Variants in SLC2A9 observed in about 807,000 individuals in gnomAD.
The protein encoded by SLC2A9 is solute carrier family 2, facilitated glucose transporter member 9.
In SLC2A9, 39 loss-of-function variants were observed where a neutral mutation model predicts 50.6. The ratio of observed to expected loss-of-function variants is 0.77; its 90% confidence interval spans 0.60 to 1.01. SLC2A9 has a LOEUF of 1.01. Among genes scored for constraint, SLC2A9 ranks in the 50% least tolerant of loss-of-function variants. SLC2A9 has a pLI of 0.00. For synonymous variants in SLC2A9, 324 were observed against 276.9 expected, an observed-to-expected ratio of 1.17 and a Z score of -1.69; for missense variants, 686 against 677.6, an observed-to-expected ratio of 1.01 and a Z score of -0.14.
At chr4:9,833,349 T>G (rs1295498724) in intron 11 of SLC2A9, among the ~76,000 whole-genome samples, 1 of 152,130 alleles carries the variant, frequency 6.6e-6, no homozygotes, top group Non-Finnish European at 1.5e-5. Flanking sequence ...CTTCTAACTC[T>G]GAGACGAGGA....
intron 1 of SLC2A9, among the ~76,000 whole-genome samples, chr4:9,774,305 G>A (rs1717233062): frequency 6.6e-6 from 1 of 152,190 alleles, no homozygotes; most frequent in African/African-American, 2.4e-5. Context: ...AAAATGATGA[G>A]AAACTCAGTG....
intron 4 of SLC2A9, among the ~76,000 whole-genome samples, chr4:9,981,755 A>G (rs537141319): frequency 1.3e-5 from 2 of 152,238 alleles, no homozygotes; most frequent in African/African-American, 4.8e-5. Context: ...GATGAAGAAC[A>G]CTCCAGGAAG....
At chr4:10,006,734 G>A (rs1760844016) in intron 2 of SLC2A9, 1 of 152,094 alleles carries the variant, frequency 6.6e-6, no homozygotes, top group Admixed American at 6.5e-5. Context: ...ATGTTGGAAG[G>A]GTTGCCACCG....
chr4:10,020,009 CCTT>C (rs1763307640), intron 1 of SLC2A9, among the ~76,000 whole-genome samples: 1 of 151,696 alleles, frequency 6.6e-6, no homozygotes, highest in African/African-American at 2.4e-5. Context: ...CCGGAAGGCA[CCTT>C]CTTTGCCATC....
In SLC2A9 at chr4:9,916,790, T is replaced by C. The variant is rs553676588; in HGVS notation, c.1002+3595A>G. Among the ~76,000 whole-genome samples the C allele has an allele frequency of 2.0e-5, 3 of 152,202 alleles. No individual in the cohort carries two copies. The East Asian group carries it at 5.8e-4, about 29-fold the overall frequency. ...GAAGATAAGGGAAGGTTCAAGAAAA[T>C]GAAGGCTTCCCCACACTGGGCTTGA... On this transcript the variant is annotated intron_variant, in intron 7 of 11. Coordinates refer to ENST00000264784, the MANE Select transcript of SLC2A9 (RefSeq NM_020041.3).
At chr4:9,862,634 C>T (rs1008432123) in intron 10 of SLC2A9, among the ~76,000 whole-genome samples, 1 of 151,978 alleles carries the variant, frequency 6.6e-6, no homozygotes, top group African/African-American at 2.4e-5. Context: ...GACCTTTGCA[C>T]ATTCTTCCCC....
intron 5 of SLC2A9, among the ~76,000 whole-genome samples, chr4:9,959,092 G>A (rs1751804934): frequency 6.6e-6 from 1 of 151,922 alleles, no homozygotes. Flanking sequence ...GGAAGGGAGG[G>A]ATGGTGCTGG....
intron 3 of SLC2A9, among the ~76,000 whole-genome samples, chr4:9,793,605 G>A (rs1407407819): frequency 1.3e-5 from 2 of 152,334 alleles, no homozygotes; most frequent in East Asian, 3.8e-4. Flanking sequence ...ATTGAAAGAA[G>A]TGAAAGGAAT....
chr4:9,914,102 C>A (rs1560293741), intron 7 of SLC2A9, among the ~76,000 whole-genome samples: 1 of 152,162 alleles, frequency 6.6e-6, no homozygotes, highest in Non-Finnish European at 1.5e-5. Context: ...GAGCTGAGAT[C>A]GAGCCCTGAT....
At chr4:9,864,833 G>C (rs932831446) in intron 10 of SLC2A9, among the ~76,000 whole-genome samples, 1 of 152,202 alleles carries the variant, frequency 6.6e-6, no homozygotes, top group African/African-American at 2.4e-5. Flanking sequence ...ATGGCAAAAG[G>C]GGTTTTGCAG....
chr4:10,015,275 G>GA (rs1236620572), intron 2 of SLC2A9, among the ~76,000 whole-genome samples: 3 of 152,192 alleles, frequency 2.0e-5, no homozygotes, highest in Admixed American at 2.0e-4. Context: ...CCCATGGCTG[G>GA]ACTGTTGGCG....
chr4:9,804,430 C>A (rs1312218359), intron 3 of SLC2A9, among the ~76,000 whole-genome samples: 1 of 151,414 alleles, frequency 6.6e-6, no homozygotes, highest in Non-Finnish European at 1.5e-5. Context: ...CACCCATGGG[C>A]TGTTCAGCTG....
At chr4:9,955,866 G>GTTTTTTT (rs1310224829) in intron 5 of SLC2A9, among the ~76,000 whole-genome samples, 1 of 81,628 alleles carries the variant, frequency 1.2e-5, no homozygotes, top group African/African-American at 6.0e-5. Flanking sequence ...CAAGCATCTG[G>GTTTTTTT]ATTTTTTTTT....
intron 8 of SLC2A9, among the ~76,000 whole-genome samples, chr4:9,898,394 C>G (rs1044532806): frequency 2.9e-4 from 44 of 152,152 alleles, no homozygotes; most frequent in African/African-American, 1.0e-3. Flanking sequence ...ATTAAAGCGT[C>G]CAAATTTGAT....
At chr4:10,003,271 C>G (rs1295204193) in intron 2 of SLC2A9, among the ~76,000 whole-genome samples, 1 of 152,186 alleles carries the variant, frequency 6.6e-6, no homozygotes, top group Non-Finnish European at 1.5e-5. Flanking sequence ...CCTGGAAGGC[C>G]TCAGTAATGA....
intron 8 of SLC2A9, among the ~76,000 whole-genome samples, chr4:9,894,361 C>A (rs1393115977): frequency 6.6e-6 from 1 of 152,100 alleles, no homozygotes; most frequent in Non-Finnish European, 1.5e-5. Flanking sequence ...TATATAATAT[C>A]AATTACAATT....
intron 3 of SLC2A9, among the ~76,000 whole-genome samples, chr4:9,989,523 G>GT (rs1757316344): frequency 6.6e-6 from 1 of 151,930 alleles, no homozygotes; most frequent in Admixed American, 6.6e-5. Flanking sequence ...CCCTCTGCTT[G>GT]TATTTCTGCA....
downstream of SLC2A9, among the ~76,000 whole-genome samples, chr4:9,794,814 AT>A (rs1476568026): frequency 6.6e-6 from 1 of 152,040 alleles, no homozygotes; most frequent in Non-Finnish European, 1.5e-5. Context: ...CAACGAGGGG[AT>A]CTGATACTTT....
intron 8 of SLC2A9, among the ~76,000 whole-genome samples, chr4:9,906,034 G>A (rs1020876299): frequency 2.0e-5 from 3 of 152,190 alleles, no homozygotes; most frequent in African/African-American, 7.2e-5. Context: ...ACACATTATG[G>A]AAATCTACCT....
Sources: gnomAD v4.1 joint callset for allele counts (sites outside exome capture counted in the v4.1 genomes callset) on GRCh38, gnomAD v4.1.1 for gene constraint, MANE v1.5 for transcripts, NCBI Gene and HGNC (gene_info 2026-07-23, HGNC 2026-07-21) for gene names.